The following USP48 variants were observed in gnomAD, a reference collection of about 807,000 sequenced individuals.
USP48 encodes the protein ubiquitin specific peptidase 48.
Under a neutral mutation model 150.7 loss-of-function variants are expected in USP48, and 43 were observed. The observed-to-expected ratio is 0.29, with a 90% confidence interval of 0.22 to 0.37. The LOEUF (loss-of-function observed/expected upper bound fraction) is 0.37, where lower values mean the gene tolerates loss of function less well. USP48 is among the 10% of genes least tolerant of loss of function. The probability of loss-of-function intolerance (pLI) is 1.00; values close to 1 mark genes in which losing one functional copy is unlikely to be tolerated. For synonymous variants in USP48, 396 were observed against 425.9 expected (o/e 0.93, Z 0.86); for missense variants, 813 against 1,249.6 (o/e 0.65, Z 5.27).
At chr1:21,689,054 T>C (rs533400053) in intron 24 of USP48, among the ~76,000 whole-genome samples, 2 of 152,070 alleles carry the variant, frequency 1.3e-5, no homozygotes, top group Admixed American at 1.3e-4. Flanking sequence ...GACGTATGGT[T>C]AAGTAATTCT....
At chr1:21,750,976 C>G (rs2097811025) in intron 6 of USP48, among the ~76,000 whole-genome samples, 1 of 151,738 alleles carries the variant, frequency 6.6e-6, no homozygotes, top group Non-Finnish European at 1.5e-5. Flanking sequence ...CAAAAAATAT[C>G]TGAAGACAGC....
intron 22 of USP48, among the ~76,000 whole-genome samples, chr1:21,696,481 A>C (rs1223671868): frequency 6.6e-6 from 1 of 152,218 alleles, no homozygotes; most frequent in Non-Finnish European, 1.5e-5. Context: ...GCGGAGACAG[A>C]GTAACTGTTC....
chr1:21,680,781 G>T, intron 26 of USP48, 27 bp downstream of exon 26: 1 of 1,577,478 alleles, frequency 6.3e-7, no homozygotes, highest in South Asian at 1.2e-5. Flanking sequence ...TGACATTCAT[G>T]AACAAAACAT....
At chr1:21,749,252 C>T (rs2097802948) in intron 6 of USP48, among the ~76,000 whole-genome samples, 1 of 152,178 alleles carries the variant, frequency 6.6e-6, no homozygotes, top group Non-Finnish European at 1.5e-5. Context: ...ACCACACTCA[C>T]TGACTTGCCT....
chr1:21,756,295 A>C (rs1322504860), intron 3 of USP48, among the ~76,000 whole-genome samples: 2 of 151,702 alleles, frequency 1.3e-5, no homozygotes, highest in Non-Finnish European at 2.9e-5. Flanking sequence ...AGCCTGGCCA[A>C]CATAGTGAAA....
In USP48 at chr1:21,783,131, G is replaced by C. The variant is rs1343623406; in HGVS notation, c.-174C>G. On this transcript the variant is annotated 5_prime_UTR_variant, in exon 1 of 27. Transcript: ENST00000308271. ...ACTGCCGCCGCGCCCGCCCGCGCCC[G>C]ACCCGCACGACCGGCCGCAAAGCGC... 34 of 992,058 alleles carry C rather than the reference G, an allele frequency of 3.4e-5. No homozygotes were observed. The highest frequency in any genetic ancestry group is 4.3e-5 in the Admixed American group (1 of 23,218). The allele number at this position is 992,058 out of a possible 1,614,324, so 61.5% of individuals were successfully genotyped here. A position where few individuals can be genotyped will look rare whatever the true frequency, so the allele number is the denominator to read the frequency against.
chr1:21,696,686 T>C (rs1222260808), intron 22 of USP48, among the ~76,000 whole-genome samples: 2 of 152,100 alleles, frequency 1.3e-5, no homozygotes, highest in Non-Finnish European at 2.9e-5. Context: ...GGAAATGTCA[T>C]GATGGCCATG....
rs200719017 is a variant in USP48, at chr1:21,695,029, T to A, written c.2883+37A>T. On this transcript the variant is annotated intron_variant, in intron 23 of 26. Transcript: ENST00000308271. ...AAGCAGGAATTCATAAAGGCCCTTT[T>A]AAGTCCAGAGCAAACTTGAACAAAT... The A allele has an allele frequency of 1.4e-5, 22 of 1,579,072 alleles. No homozygotes were observed. In the East Asian group the frequency reaches 5.0e-4, roughly 36 times the overall value.
chr1:21,778,864 C>G (rs1364638256), intron 1 of USP48, among the ~76,000 whole-genome samples: 2 of 151,894 alleles, frequency 1.3e-5, no homozygotes, highest in African/African-American at 4.8e-5. Context: ...ATTCTCCTGC[C>G]TTTGCCTCCC....
At chr1:21,738,602 T>C (rs518481) in intron 8 of USP48, among the ~76,000 whole-genome samples, 148,025 of 150,922 alleles carry the variant, frequency 0.98, 72,642 homozygotes, top group Non-Finnish European at 1. Flanking sequence ...AAGTGGTCCA[T>C]CTGCCTCGGC....
chr1:21,758,311 G>A (rs1246491623), intron 1 of USP48, among the ~76,000 whole-genome samples: 1 of 151,666 alleles, frequency 6.6e-6, no homozygotes, highest in African/African-American at 2.4e-5. Flanking sequence ...ATGCAAAGGA[G>A]TATCTCTAGT....
intron 26 of USP48, among the ~76,000 whole-genome samples, chr1:21,679,948 C>T (rs1043723580): frequency 2.0e-5 from 3 of 152,226 alleles, no homozygotes; most frequent in Non-Finnish European, 2.9e-5. Context: ...CCCGTCTCAA[C>T]CTCCAAAAGT....
chr1:21,686,967 A>C, intron 25 of USP48: 1 of 552,736 alleles, frequency 1.8e-6, no homozygotes. Flanking sequence ...CCACAGGCAG[A>C]GCTCACATTT....
intron 9 of USP48, 85 bp downstream of exon 9, chr1:21,736,361 T>C (rs2097768971): frequency 4.6e-6 from 6 of 1,317,574 alleles, no homozygotes; most frequent in African/African-American, 3.0e-5. Flanking sequence ...AACATAACAA[T>C]CTTGAGCCAT....
intron 23 of USP48, among the ~76,000 whole-genome samples, chr1:21,692,804 T>G (rs544184382): frequency 6.6e-6 from 1 of 152,004 alleles, no homozygotes; most frequent in South Asian, 2.1e-4. Context: ...CCAAGACAGG[T>G]TTCACAGAAG....
chr1:21,724,319 G>A, intron 11 of USP48: 1 of 605,880 alleles, frequency 1.7e-6, no homozygotes, highest in Non-Finnish European at 2.9e-6. Context: ...AGTCTGCACA[G>A]TGCCCTATGA....
At chr1:21,766,533 T>C (rs945739088) in intron 1 of USP48, among the ~76,000 whole-genome samples, 1 of 151,732 alleles carries the variant, frequency 6.6e-6, no homozygotes, top group African/African-American at 2.4e-5. Context: ...CATTTAAGAG[T>C]ACACACGATG....
intron 14 of USP48, among the ~76,000 whole-genome samples, chr1:21,717,731 G>A (rs370728629): frequency 1.3e-5 from 2 of 152,184 alleles, no homozygotes; most frequent in Admixed American, 1.3e-4. Flanking sequence ...GCTGAGGTGG[G>A]CAGATTAAGG....
chr1:21,751,451 GA>G (rs1473598182), intron 6 of USP48, 55 bp downstream of exon 6: 7 of 1,314,108 alleles, frequency 5.3e-6, no homozygotes, highest in African/African-American at 1.5e-5. Flanking sequence ...ATAGCATTCA[GA>G]ACAGCATTTA....
Sources: allele counts gnomAD v4.1 joint callset (sites outside exome capture counted in the v4.1 genomes callset), GRCh38; gene constraint gnomAD v4.1.1; transcripts MANE v1.5; gene names NCBI Gene and HGNC (gene_info 2026-07-23, HGNC 2026-07-21).